The following ASAP2 variants were observed in gnomAD, a reference collection of about 807,000 sequenced individuals.
The protein encoded by ASAP2 is ArfGAP with SH3 domain, ankyrin repeat and PH domain 2, also known as arf-GAP with SH3 domain, ANK repeat and PH domain-containing protein 2.
In ASAP2, 45 loss-of-function variants were observed where a neutral mutation model predicts 131.4. The observed-to-expected ratio is 0.34, with a 90% CI of 0.27 to 0.44. The LOEUF (loss-of-function observed/expected upper bound fraction) is 0.44. Ranked by LOEUF, ASAP2 falls within the 20% of genes least tolerant of loss-of-function variation. The pLI, the probability that ASAP2 is intolerant of heterozygous loss-of-function variation, is 1.00. For synonymous variants in ASAP2, 510 were observed against 503.0 expected (o/e 1.01, Z -0.19); for missense variants, 1,011 against 1,297.0 (o/e 0.78, Z 3.39).
chr2:9,230,045 AGAG>A (rs1663050345), intron 1 of ASAP2, among the ~76,000 whole-genome samples: 1 of 152,234 alleles, frequency 6.6e-6, no homozygotes. Context: ...TTCTGCAAGA[AGAG>A]ATGATGATGT....
intron 15 of ASAP2, among the ~76,000 whole-genome samples, chr2:9,359,835 T>C (rs1672970972): frequency 6.6e-6 from 1 of 152,196 alleles, no homozygotes; most frequent in African/African-American, 2.4e-5. Flanking sequence ...TTTATGGTCT[T>C]GAAAGACAGA....
chr2:9,261,094 G>T (rs1308978883), intron 1 of ASAP2, among the ~76,000 whole-genome samples: 1 of 152,214 alleles, frequency 6.6e-6, no homozygotes, highest in African/African-American at 2.4e-5. Context: ...AGCTTTCTTG[G>T]TGAAGGGGTG....
At chr2:9,301,820 C>CTTTTT (rs1177064910) in intron 3 of ASAP2, among the ~76,000 whole-genome samples, 46 of 115,388 alleles carry the variant, frequency 4.0e-4, no homozygotes, top group Non-Finnish European at 6.1e-4. Context: ...TATCCATCAT[C>CTTTTT]TTTTTTTTTT....
intron 22 of ASAP2, among the ~76,000 whole-genome samples, chr2:9,390,731 T>C (rs1242385865): frequency 6.6e-6 from 1 of 152,216 alleles, no homozygotes; most frequent in East Asian, 1.9e-4. Context: ...AAGCTCCAAG[T>C]GCAGTGTTCG....
intron 11 of ASAP2, among the ~76,000 whole-genome samples, chr2:9,348,356 C>T (rs1672108528): frequency 6.6e-6 from 1 of 151,978 alleles, no homozygotes; most frequent in Non-Finnish European, 1.5e-5. Context: ...AACTCCTGAT[C>T]TCAGGTGATC....
intron 18 of ASAP2, 79 bp downstream of exon 18, chr2:9,377,072 C>T: frequency 1.6e-6 from 2 of 1,258,278 alleles, no homozygotes; most frequent in Non-Finnish European, 2.3e-6. Context: ...TGCCTCATCG[C>T]TTCTGATGTG....
At chr2:9,343,296 G>T (rs975071614) in intron 9 of ASAP2, among the ~76,000 whole-genome samples, 6 of 152,172 alleles carry the variant, frequency 3.9e-5, no homozygotes, top group African/African-American at 7.2e-5. Flanking sequence ...CCTACGAGCA[G>T]CCCTCGGCCC....
At chr2:9,297,830 A>G (rs1668240240) in intron 3 of ASAP2, among the ~76,000 whole-genome samples, 1 of 152,196 alleles carries the variant, frequency 6.6e-6, no homozygotes, top group Non-Finnish European at 1.5e-5. Flanking sequence ...CCCATCTTAC[A>G]CAGCAAGGTA....
intron 2 of ASAP2, among the ~76,000 whole-genome samples, chr2:9,293,059 A>G (rs1667917671): frequency 6.6e-6 from 1 of 152,218 alleles, no homozygotes; most frequent in Non-Finnish European, 1.5e-5. Flanking sequence ...TTTTGCTGAA[A>G]CAATTTGCAC....
At chr2:9,259,553 CAGCCCAAAACCTT>C (rs35075609) in intron 1 of ASAP2, among the ~76,000 whole-genome samples, 44,134 of 152,000 alleles carry the variant, frequency 0.29, 6,659 homozygotes, top group African/African-American at 0.4. Flanking sequence ...GCACAGTTTT[CAGCCCAAAACCTT>C]AAGGAACAAA....
chr2:9,270,785 ATTTTTTTT>A (rs35913703), intron 1 of ASAP2, among the ~76,000 whole-genome samples: 14 of 52,926 alleles, frequency 2.6e-4, no homozygotes, highest in Admixed American at 2.3e-3. Context: ...AATTGTTTTC[ATTTTTTTT>A]TTTTTTTTTT....
At chr2:9,353,426 A>G (rs1208985404) in intron 12 of ASAP2, among the ~76,000 whole-genome samples, 1 of 152,108 alleles carries the variant, frequency 6.6e-6, no homozygotes, top group Non-Finnish European at 1.5e-5. Flanking sequence ...GTATGGTGAC[A>G]TGTGCCTTTG....
intron 11 of ASAP2, among the ~76,000 whole-genome samples, chr2:9,349,565 C>G (rs1384524454): frequency 6.6e-6 from 1 of 152,218 alleles, no homozygotes; most frequent in Admixed American, 6.5e-5. Context: ...ATACTGATTT[C>G]TGACGATCCA....
Position 9,405,092 on chromosome 2 carries a change from T to C in ASAP2, c.*1765T>C, listed in dbSNP as rs1157489733. 2 of 152,476 alleles carry C rather than the reference T, an allele frequency of 1.3e-5. No individual in the cohort carries two copies. The highest frequency in any genetic ancestry group is 4.8e-5 in the African/African-American group (2 of 41,446). The allele number at this position is 152,476 out of a possible 1,614,324, so 9.4% of individuals were successfully genotyped here. ...ATATAAGGAATAAAGTTGATTCATATCAACATTAGAACTCCAGTCCCAAAC... is the reference window on the plus strand; with the variant it reads ...ATATAAGGAATAAAGTTGATTCATACCAACATTAGAACTCCAGTCCCAAAC... On this transcript the variant is annotated 3_prime_UTR_variant, in exon 28 of 28. Transcript: ENST00000281419.
chr2:9,271,174 A>T (rs1666367415), intron 1 of ASAP2: 2 of 523,840 alleles, frequency 3.8e-6, no homozygotes, highest in Non-Finnish European at 6.9e-6. Flanking sequence ...CGGACCCCAA[A>T]TGGTTACATT....
At chr2:9,315,518 G>C (rs981487537) in intron 3 of ASAP2, among the ~76,000 whole-genome samples, 1 of 152,004 alleles carries the variant, frequency 6.6e-6, no homozygotes, top group African/African-American at 2.4e-5. Flanking sequence ...GTGGGAGAGA[G>C]GGCTTTGTAG....
intron 7 of ASAP2, among the ~76,000 whole-genome samples, chr2:9,333,068 G>A (rs945586754): frequency 3.3e-5 from 5 of 152,158 alleles, no homozygotes; most frequent in Non-Finnish European, 7.3e-5. Context: ...GTGTTTTCAC[G>A]GCGCCTTCTG....
rs1325306269 is a variant in ASAP2 at position 9,207,291 on chromosome 2, G to A, written c.126+61G>A. On this transcript the variant is annotated intron_variant, in intron 1 of 27. Coordinates refer to ENST00000281419, the MANE Select transcript of ASAP2 (RefSeq NM_003887.3). The surrounding 1 kb of genome is among the most constrained non-coding windows in gnomAD (Gnocchi z 4.1). ...ATCCCGCGCCCCAGCCCCGCCCGCCGCTCCCGCATCCGCATCCCGAGAAAA... is the reference window on the plus strand; with the variant it reads ...ATCCCGCGCCCCAGCCCCGCCCGCCACTCCCGCATCCGCATCCCGAGAAAA... 1.2e-5 allele frequency: 17 copies of A among 1,467,184 alleles called. No individual in the cohort carries two copies. The highest frequency in any genetic ancestry group is 7.9e-5 in the East Asian group (3 of 37,868). 90.9% of individuals were successfully genotyped at this position (1,467,184 alleles called of 1,614,324 possible). A position where few individuals can be genotyped will look rare whatever the true frequency, so the allele number is the denominator to read the frequency against.
At chr2:9,276,158 C>G (rs954698922) in intron 1 of ASAP2, among the ~76,000 whole-genome samples, 4 of 152,212 alleles carry the variant, frequency 2.6e-5, no homozygotes, top group Non-Finnish European at 5.9e-5. Context: ...TCAGTAATAC[C>G]TTGCAGGTAG....
Sources: gnomAD v4.1 joint callset for allele counts (sites outside exome capture counted in the v4.1 genomes callset) on GRCh38, gnomAD v4.1.1 for gene constraint, Gnocchi (gnomAD v3.1) non-coding constraint, MANE v1.5 for transcripts, NCBI Gene and HGNC (gene_info 2026-07-23, HGNC 2026-07-21) for gene names.